Variants in SCN7A observed in about 807,000 individuals in gnomAD.
SCN7A encodes sodium voltage-gated channel alpha subunit 7.
Under a neutral mutation model 155.2 loss-of-function variants are expected in SCN7A, and 138 were observed. The observed-to-expected ratio is 0.89, with a 90% confidence interval of 0.77 to 1.02. The LOEUF (loss-of-function observed/expected upper bound fraction) is 1.02, where lower values mean the gene tolerates loss of function less well. Ranked by LOEUF, SCN7A falls within the 50% of genes least tolerant of loss-of-function variation. The probability of loss-of-function intolerance (pLI) is 0.00; values close to 1 mark genes in which losing one functional copy is unlikely to be tolerated. For missense variants in SCN7A, 2,058 were observed against 1,986.6 expected (o/e 1.04, Z -0.68); for synonymous variants, 693 against 649.0 (o/e 1.07, Z -1.03).
In SCN7A at chr2:166,432,574, T is replaced by C. The variant is rs764981995; in HGVS notation, c.2336A>G (p.Asp779Gly). The C allele has an allele frequency of 4.8e-5, 77 of 1,613,250 alleles. No individual in the cohort carries two copies. Among genetic ancestry groups the C allele is most frequent in the Non-Finnish European group, 6.4e-5 (75 of 1,179,598 alleles). Residue 779 changes from aspartate (D) to glycine (G), a missense_variant, in exon 16 of 26, where the codon GAC (aspartate) becomes GGC (glycine). Coordinates refer to ENST00000643258, the MANE Select transcript of SCN7A (RefSeq NM_002976.4). The stretch of plus-strand genomic sequence containing the variant: ...TTTAACATATACCTCATTTACATGG[T>C]CCATTGTGTCCTTTGGGACATTTTG... ...KTQNVPKDTM[D>G]HVNEVYVKED...
At position 166,473,835 on chromosome 2, in the gene SCN7A, G is replaced by C; in HGVS notation, c.407C>G (p.Ser136Cys). Reference sequence around the variant, plus strand: ...TCTCCATTTTGGCAAATTAGTCAGGGACATGAATACGCAATCAATCAGGAC... The same window carrying C: ...TCTCCATTTTGGCAAATTAGTCAGGCACATGAATACGCAATCAATCAGGAC... ...ISVLIDCVFM[S>C]LTNLPKWRPV... Residue 136 changes from serine (S) to cysteine (C), a missense_variant, in exon 5 of 26, where the codon TCC becomes TGC. Ser to Cys is a moderately radical substitution (Grantham distance 112, BLOSUM62 -1). Coordinates refer to ENST00000643258, the MANE Select transcript of SCN7A (RefSeq NM_002976.4). The C allele has an allele frequency of 2.6e-6, 4 of 1,558,822 alleles. No individual in the cohort carries two copies. The highest frequency in any genetic ancestry group is 3.5e-6 in the Non-Finnish European group (4 of 1,148,286).
chr2:166,481,908 G>A (rs180790304), intron 2 of SCN7A, among the ~76,000 whole-genome samples: 7 of 152,264 alleles, frequency 4.6e-5, no homozygotes, highest in Non-Finnish European at 7.4e-5. Context: ...AGCCAGAAGA[G>A]ATTTGGCTTG....
At chr2:166,414,249 T>A (rs1427698714) in intron 21 of SCN7A, among the ~76,000 whole-genome samples, 3 of 66,490 alleles carry the variant, frequency 4.5e-5, no homozygotes, top group Admixed American at 2.4e-4. Flanking sequence ...TATGTAAATA[T>A]ATATAGATAT....
chr2:166,436,418 A>G (rs1408173091), intron 15 of SCN7A: 4 of 441,750 alleles, frequency 9.1e-6, no homozygotes, highest in Non-Finnish European at 1.4e-5. Context: ...CGTGATTGTA[A>G]GTTTCCTGAG....
At chr2:166,473,526 A>G (rs1004344971) in intron 5 of SCN7A, among the ~76,000 whole-genome samples, 3 of 151,642 alleles carry the variant, frequency 2.0e-5, no homozygotes, top group Non-Finnish European at 3.0e-5. Flanking sequence ...CCTAGGAAAG[A>G]GAGGAATAGA....
At chr2:166,481,929 G>T (rs564169543) in intron 2 of SCN7A, among the ~76,000 whole-genome samples, 8 of 152,094 alleles carry the variant, frequency 5.3e-5, no homozygotes, top group Non-Finnish European at 1.0e-4. Flanking sequence ...AGAAAGTAAA[G>T]ATCTTTCTAA....
At chr2:166,406,717 T>C in intron 25 of SCN7A, 71 bp from the exon 26 acceptor site, 1 of 1,022,880 alleles carries the variant, frequency 9.8e-7, no homozygotes, top group East Asian at 2.4e-5. Context: ...CTATAAATTA[T>C]TTTACACTTA....
chr2:166,420,326 T>C (rs1391260981), intron 20 of SCN7A, among the ~76,000 whole-genome samples: 4 of 152,062 alleles, frequency 2.6e-5, no homozygotes, highest in African/African-American at 7.2e-5. Context: ...GATTCTACCA[T>C]AGCAATGAAT....
chr2:166,457,947 C>T (rs978281021), intron 10 of SCN7A, among the ~76,000 whole-genome samples: 3 of 152,052 alleles, frequency 2.0e-5, no homozygotes, highest in African/African-American at 7.2e-5. Flanking sequence ...AGAATATTTA[C>T]AGATTAATAG....
intron 15 of SCN7A, among the ~76,000 whole-genome samples, chr2:166,433,456 T>C (rs997659255): frequency 6.6e-6 from 1 of 152,142 alleles, no homozygotes; most frequent in African/African-American, 2.4e-5. Context: ...GGGATTTGTA[T>C]AGCAAGAATT....
chr2:166,449,798 A>G (rs1702140222), intron 11 of SCN7A, among the ~76,000 whole-genome samples: 1 of 152,166 alleles, frequency 6.6e-6, no homozygotes, highest in Non-Finnish European at 1.5e-5. Flanking sequence ...AAAAAAAACA[A>G]AAACAAAAAC....
chr2:166,475,080 G>GTATATATATATATATGTATATATGTA (rs201255081), intron 3 of SCN7A, among the ~76,000 whole-genome samples: 1 of 85,876 alleles, frequency 1.2e-5, no homozygotes, highest in Admixed American at 1.4e-4. Context: ...TTATATTTGT[G>GTATATATATATATATGTATATATGTA]TATATATATA....
intron 1 of SCN7A, among the ~76,000 whole-genome samples, chr2:166,487,424 T>C (rs112703556): frequency 2.6e-5 from 4 of 152,254 alleles, no homozygotes; most frequent in African/African-American, 9.6e-5. Flanking sequence ...CAATTCCCAA[T>C]TGTTTCCCCT....
At position 166,421,815 on chromosome 2, in the gene SCN7A, T is replaced by A. The variant is rs554165858; in HGVS notation, c.3028-518A>T. On this transcript the variant is annotated intron_variant, in intron 19 of 25. Coordinates refer to ENST00000643258, the MANE Select transcript of SCN7A (RefSeq NM_002976.4). The stretch of plus-strand genomic sequence containing the variant: ...CAAAAGTACACACATTACAAAAAAG[T>A]ATAACCAGATACTAAGGTAATCTTT... 2.0e-5 allele frequency among the ~76,000 whole-genome samples: 3 copies of A among 152,168 alleles called. No homozygotes were observed. In the East Asian group the frequency reaches 5.8e-4, roughly 29 times the overall value.
intron 25 of SCN7A, among the ~76,000 whole-genome samples, chr2:166,407,595 AC>A (rs1034744281): frequency 1.8e-4 from 28 of 152,012 alleles, no homozygotes; most frequent in African/African-American, 5.8e-4. Context: ...TTCTACTCTG[AC>A]CCAAATTCTC....
chr2:166,482,098 T>C (rs1702942931), intron 2 of SCN7A, among the ~76,000 whole-genome samples: 1 of 152,168 alleles, frequency 6.6e-6, no homozygotes, highest in Non-Finnish European at 1.5e-5. Flanking sequence ...GTTAAGATCA[T>C]TGGTTGAATT....
At chr2:166,469,063 A>AT (rs897789537) in intron 7 of SCN7A, among the ~76,000 whole-genome samples, 6 of 150,344 alleles carry the variant, frequency 4.0e-5, no homozygotes, top group East Asian at 2.0e-4. Context: ...TCCAGTTAAA[A>AT]TTTTTTTTAA....
intron 19 of SCN7A, among the ~76,000 whole-genome samples, chr2:166,422,631 G>A (rs1701534614): frequency 6.6e-6 from 1 of 152,150 alleles, no homozygotes; most frequent in Non-Finnish European, 1.5e-5. Context: ...TGGACAGGGG[G>A]AAGGAAGCAT....
At chr2:166,442,774 C>T (rs1161888660) in intron 14 of SCN7A, among the ~76,000 whole-genome samples, 1 of 152,060 alleles carries the variant, frequency 6.6e-6, no homozygotes, top group Non-Finnish European at 1.5e-5. Context: ...TCTGCAATTG[C>T]CAGTGTTGTT....
Sources: allele counts gnomAD v4.1 joint callset (sites outside exome capture counted in the v4.1 genomes callset), GRCh38; gene constraint gnomAD v4.1.1; transcripts MANE v1.5; gene names NCBI Gene and HGNC (gene_info 2026-07-23, HGNC 2026-07-21).